The following RBFOX1 variants were observed in gnomAD, a reference collection of about 807,000 sequenced individuals.
RBFOX1 encodes the protein RNA binding protein fox-1 homolog 1.
RBFOX1 carries 8 observed loss-of-function variants against 57.7 expected under a neutral mutation model. That is an observed-to-expected ratio of 0.14 (90% CI 0.08 to 0.25). The LOEUF (loss-of-function observed/expected upper bound fraction) is 0.25. Among genes scored for constraint, RBFOX1 ranks in the 10% least tolerant of loss-of-function variants. The pLI is 1.00. For synonymous variants in RBFOX1, 326 were observed against 222.4 expected (o/e 1.47, Z -4.15); for missense variants, 611 against 548.5 (o/e 1.11, Z -1.14).
At chr16:7,709,894 G>T in intron 15 of RBFOX1, 1 of 1,074,862 alleles carries the variant, frequency 9.3e-7, no homozygotes, top group African/African-American at 1.7e-5. Flanking sequence ...CAAAGCTTTG[G>T]CATGCAGTTT....
At chr16:7,408,529 C>G (rs1568695222) in intron 4 of RBFOX1, among the ~76,000 whole-genome samples, 1 of 152,174 alleles carries the variant, frequency 6.6e-6, no homozygotes. Context: ...TTTCATCTCT[C>G]TAGACTGCCC....
chr16:7,105,636 T>A lies in RBFOX1; in HGVS notation c.27+53538T>A, dbSNP rs139831315. Among the ~76,000 whole-genome samples, 107 of 152,250 alleles carry A rather than the reference T, an allele frequency of 7.0e-4. 1 individual carries two copies. In the Middle Eastern group the frequency reaches 0.014, roughly 19 times the overall value. On this transcript the variant is annotated intron_variant, in intron 4 of 15. Transcript: ENST00000550418. ...CTCATCCAGGTTGCTGCGAATGCCA[T>A]TGACCCATTCCTTTTTATGGCTGAG...
intron 3 of RBFOX1, among the ~76,000 whole-genome samples, chr16:5,679,098 G>A (rs921050934): frequency 6.6e-5 from 10 of 152,134 alleles, no homozygotes; most frequent in Non-Finnish European, 1.3e-4. Flanking sequence ...TTTATGCCTT[G>A]TTGCAATACA....
chr16:7,203,416 A>C (rs1027379446), intron 4 of RBFOX1, among the ~76,000 whole-genome samples: 2 of 152,224 alleles, frequency 1.3e-5, no homozygotes, highest in East Asian at 3.9e-4. Context: ...TAATGGGTAC[A>C]CAGTTTCAGT....
At chr16:6,303,267 G>C (rs1213825538) in intron 1 of RBFOX1, among the ~76,000 whole-genome samples, 1 of 152,024 alleles carries the variant, frequency 6.6e-6, no homozygotes, top group Non-Finnish European at 1.5e-5. Flanking sequence ...TTCGTTCTGA[G>C]ACATCTTCCC....
At chr16:7,578,574 C>A (rs551280356) in intron 5 of RBFOX1, among the ~76,000 whole-genome samples, 3 of 152,104 alleles carry the variant, frequency 2.0e-5, no homozygotes, top group Non-Finnish European at 4.4e-5. Flanking sequence ...TGTCTTCTCT[C>A]GGTCGTTATT....
At chr16:5,531,330 T>G (rs888296681) in intron 2 of RBFOX1, among the ~76,000 whole-genome samples, 1 of 151,996 alleles carries the variant, frequency 6.6e-6, no homozygotes, top group African/African-American at 2.4e-5. Flanking sequence ...CCTGGGAAAT[T>G]TAGGCTGGGG....
chr16:5,983,892 C>T (rs1192438746), intron 4 of RBFOX1, among the ~76,000 whole-genome samples: 1 of 146,890 alleles, frequency 6.8e-6, no homozygotes, highest in African/African-American at 2.5e-5. Flanking sequence ...CCCTACCCCT[C>T]CTCGTTCTCC....
intron 1 of RBFOX1, among the ~76,000 whole-genome samples, chr16:6,040,592 C>CTTATTTAT (rs113242373): frequency 3.3e-5 from 5 of 150,504 alleles, no homozygotes; most frequent in African/African-American, 4.9e-5. Context: ...CTCTTTCTTT[C>CTTATTTAT]TTATTTATTT....
chr16:6,560,339 G>GC (rs1491229183), intron 2 of RBFOX1, among the ~76,000 whole-genome samples: 16 of 23,896 alleles, frequency 6.7e-4, no homozygotes, highest in Middle Eastern at 0.028. Flanking sequence ...GGGCAGGAGA[G>GC]TGGGGGTGGA....
At chr16:5,563,640 T>C (rs1482425903) in intron 2 of RBFOX1, among the ~76,000 whole-genome samples, 1 of 152,206 alleles carries the variant, frequency 6.6e-6, no homozygotes, top group Non-Finnish European at 1.5e-5. Context: ...TCCTGCCTTA[T>C]AATATGATGA....
At chr16:6,972,719 A>G (rs1023083020) in intron 3 of RBFOX1, among the ~76,000 whole-genome samples, 1 of 152,162 alleles carries the variant, frequency 6.6e-6, no homozygotes, top group Non-Finnish European at 1.5e-5. Context: ...AGGTGGTCTC[A>G]TGCGAAAGTA....
At chr16:7,315,290 A>G (rs1359315091) in intron 4 of RBFOX1, among the ~76,000 whole-genome samples, 1 of 152,154 alleles carries the variant, frequency 6.6e-6, no homozygotes, top group East Asian at 1.9e-4. Context: ...GTCAACAGTA[A>G]TATTTTTGTC....
chr16:6,775,096 C>G (rs901151621), intron 3 of RBFOX1, among the ~76,000 whole-genome samples: 9 of 150,726 alleles, frequency 6.0e-5, no homozygotes, highest in African/African-American at 2.0e-4. Flanking sequence ...GAGGCCAGGT[C>G]TGGCGGATCA....
chr16:6,257,988 A>G (rs2097678981), intron 1 of RBFOX1, among the ~76,000 whole-genome samples: 1 of 152,100 alleles, frequency 6.6e-6, no homozygotes, highest in Non-Finnish European at 1.5e-5. Context: ...TTGGTCTTTG[A>G]GGAATCGCCA....
At chr16:6,504,030 T>C (rs920177800) in intron 2 of RBFOX1, among the ~76,000 whole-genome samples, 2 of 152,332 alleles carry the variant, frequency 1.3e-5, no homozygotes, top group Admixed American at 1.3e-4. Context: ...TATGCATCTT[T>C]CTTATCTTTT....
intron 1 of RBFOX1, among the ~76,000 whole-genome samples, chr16:5,294,151 C>G (rs748319796): frequency 6.6e-6 from 1 of 152,174 alleles, no homozygotes; most frequent in East Asian, 1.9e-4. Context: ...ATGGGTTGAA[C>G]CTGGGAGGCA....
At chr16:6,816,804 A>G (rs999557685) in intron 3 of RBFOX1, among the ~76,000 whole-genome samples, 2 of 151,818 alleles carry the variant, frequency 1.3e-5, no homozygotes, top group Admixed American at 6.6e-5. Flanking sequence ...GACTGCAGTG[A>G]TGCAATCATA....
In RBFOX1 at chr16:6,790,696, G is replaced by A. The variant is rs576225202; in HGVS notation, c.-16+136046G>A. ...CACTTGTATGGTGGATGTGATTTCA[G>A]TTCAGTCTTGGCTCTCCATCCCTCC... On this transcript the variant is annotated intron_variant, in intron 3 of 15. Transcript: ENST00000550418. 3.3e-5 allele frequency among the ~76,000 whole-genome samples: 5 copies of A among 152,236 alleles called. No homozygotes were observed. The East Asian group carries it at 9.7e-4, about 29-fold the overall frequency.
Sources: gnomAD v4.1 joint callset for allele counts (sites outside exome capture counted in the v4.1 genomes callset) on GRCh38, gnomAD v4.1.1 for gene constraint, MANE v1.5 for transcripts, NCBI Gene and HGNC (gene_info 2026-07-23, HGNC 2026-07-21) for gene names.